The following LRRIQ3 variants were observed in gnomAD, a reference collection of about 807,000 sequenced individuals.
The protein encoded by LRRIQ3 is leucine rich repeats and IQ motif containing 3, also known as leucine-rich repeat and IQ domain-containing protein 3.
In LRRIQ3, 75 loss-of-function variants were observed where a neutral mutation model predicts 59.3. That is an observed-to-expected ratio of 1.26 (90% CI 1.05 to 1.53). LRRIQ3 has a LOEUF of 1.53. Among genes scored for constraint, LRRIQ3 ranks in the 40% most tolerant of loss-of-function variants. The pLI, the probability that LRRIQ3 is intolerant of heterozygous loss-of-function variation, is 0.00. For synonymous variants in LRRIQ3, 250 were observed against 231.3 expected (o/e 1.08, Z -0.73); for missense variants, 831 against 710.0 (o/e 1.17, Z -1.94).
intron 3 of LRRIQ3, chr1:74,181,993 T>C (rs1022522676): frequency 3.3e-5 from 5 of 151,818 alleles, no homozygotes; most frequent in Admixed American, 1.3e-4. Flanking sequence ...TGATTTGTTC[T>C]AATATTTATT....
intron 3 of LRRIQ3, among the ~76,000 whole-genome samples, chr1:74,163,847 A>G (rs964682184): frequency 2.0e-5 from 3 of 151,484 alleles, no homozygotes; most frequent in African/African-American, 2.4e-5. Flanking sequence ...TCTTTTCCAG[A>G]GTGGCTGTAC....
At chr1:74,099,533 G>C (rs927251875) in intron 5 of LRRIQ3, among the ~76,000 whole-genome samples, 1 of 152,092 alleles carries the variant, frequency 6.6e-6, no homozygotes, top group South Asian at 2.1e-4. Flanking sequence ...AGAAGAAGAG[G>C]GAATCCTCCC....
chr1:74,116,317 G>T (rs1646776472), intron 4 of LRRIQ3, among the ~76,000 whole-genome samples: 1 of 151,932 alleles, frequency 6.6e-6, no homozygotes, highest in Non-Finnish European at 1.5e-5. Context: ...GAAATATGAG[G>T]TCATGTATTA....
At chr1:74,029,388 T>C (rs1653625951) in intron 7 of LRRIQ3, among the ~76,000 whole-genome samples, 1 of 151,452 alleles carries the variant, frequency 6.6e-6, no homozygotes, top group African/African-American at 2.4e-5. Flanking sequence ...AGGTAATTTA[T>C]TGAGAGTTTT....
intron 7 of LRRIQ3, among the ~76,000 whole-genome samples, chr1:74,032,634 G>C (rs1189652128): frequency 6.6e-6 from 1 of 151,982 alleles, no homozygotes; most frequent in Non-Finnish European, 1.5e-5. Context: ...GTGATACATT[G>C]GGCGCATCTG....
chr1:74,185,236 G>A (rs1650281711), intron 1 of LRRIQ3, among the ~76,000 whole-genome samples: 1 of 152,152 alleles, frequency 6.6e-6, no homozygotes, highest in South Asian at 2.1e-4. Context: ...GTCTTCCAAT[G>A]TGGTTGTACC....
At chr1:74,061,459 C>T (rs749011923) in intron 6 of LRRIQ3, among the ~76,000 whole-genome samples, 30 of 152,008 alleles carry the variant, frequency 2.0e-4, no homozygotes, top group Non-Finnish European at 4.1e-4. Flanking sequence ...TCGTATGGAA[C>T]CAAAATACAG....
At chr1:74,075,648 G>A (rs1646198526) in intron 5 of LRRIQ3, among the ~76,000 whole-genome samples, 1 of 152,086 alleles carries the variant, frequency 6.6e-6, no homozygotes, top group Non-Finnish European at 1.5e-5. Context: ...ATGGGGAACA[G>A]AGGCATTGTC....
In LRRIQ3 at chr1:74,185,581, T is replaced by C. The variant is rs551551525; in HGVS notation, c.1-1897A>G. Among the ~76,000 whole-genome samples the C allele has an allele frequency of 3.0e-4, 46 of 152,328 alleles. 1 individual carries two copies. The highest frequency in any genetic ancestry group is 3.8e-4 in the Non-Finnish European group (26 of 68,018). Reference sequence around the variant, plus strand: ...ATATGTGTTTTCCAAAGTTTTTTTTTCCCATTCTGTGGCTTGCCTTTTCAT... The same window carrying C: ...ATATGTGTTTTCCAAAGTTTTTTTTCCCCATTCTGTGGCTTGCCTTTTCAT... On this transcript the variant is annotated intron_variant, in intron 1 of 7. Transcript: ENST00000354431.
chr1:74,038,927 G>T (rs1477586061), intron 7 of LRRIQ3, among the ~76,000 whole-genome samples: 1 of 152,164 alleles, frequency 6.6e-6, no homozygotes, highest in Non-Finnish European at 1.5e-5. Flanking sequence ...TCCTCCAAAT[G>T]ATCATAATGC....
At chr1:74,027,815 C>T (rs1357443137) in intron 7 of LRRIQ3, among the ~76,000 whole-genome samples, 1 of 151,794 alleles carries the variant, frequency 6.6e-6, no homozygotes, top group African/African-American at 2.4e-5. Flanking sequence ...CTACATGAAG[C>T]TTATCAAAAG....
At chr1:74,096,993 T>G (rs919297357) in intron 5 of LRRIQ3, among the ~76,000 whole-genome samples, 1 of 151,920 alleles carries the variant, frequency 6.6e-6, no homozygotes, top group South Asian at 2.1e-4. Flanking sequence ...TACTCGGGGG[T>G]CAGGGATCCA....
chr1:74,050,145 A>T (rs1353473956), intron 6 of LRRIQ3, among the ~76,000 whole-genome samples: 1 of 151,964 alleles, frequency 6.6e-6, no homozygotes, highest in African/African-American at 2.4e-5. Flanking sequence ...GCTGCTCTCA[A>T]ACTCCTGACC....
intron 5 of LRRIQ3, among the ~76,000 whole-genome samples, chr1:74,075,658 C>G (rs1398809446): frequency 6.6e-6 from 1 of 151,934 alleles, no homozygotes; most frequent in African/African-American, 2.4e-5. Flanking sequence ...GAGGCATTGT[C>G]AAATGTAAAC....
At position 74,026,685 on chromosome 1, in the gene LRRIQ3, G is replaced by T; in HGVS notation, c.*128C>A. ...ATTTTAACTAATCTTTATATTTTTAGAAGACTTATATATAAATCCATCTTG... is the reference window on the plus strand; with the variant it reads ...ATTTTAACTAATCTTTATATTTTTATAAGACTTATATATAAATCCATCTTG... On this transcript the variant is annotated 3_prime_UTR_variant, in exon 8 of 8. Transcript: ENST00000354431. 2 of 688,748 alleles carry T rather than the reference G, an allele frequency of 2.9e-6. No individual in the cohort carries two copies. The highest frequency in any genetic ancestry group is 2.5e-5 in the South Asian group (1 of 40,098). 42.7% of individuals were successfully genotyped at this position (688,748 alleles called of 1,614,324 possible).
At chr1:74,185,143 T>A (rs950565143) in intron 1 of LRRIQ3, among the ~76,000 whole-genome samples, 1 of 152,232 alleles carries the variant, frequency 6.6e-6, no homozygotes, top group African/African-American at 2.4e-5. Flanking sequence ...TGTGTGGATA[T>A]GTTTTCAACT....
intron 3 of LRRIQ3, among the ~76,000 whole-genome samples, chr1:74,176,153 A>G (rs996358569): frequency 1.3e-5 from 2 of 152,114 alleles, no homozygotes; most frequent in Admixed American, 6.5e-5. Flanking sequence ...GAGGTATGCT[A>G]GTAATAGATT....
At chr1:74,153,434 TG>T (rs1648110472) in intron 4 of LRRIQ3, among the ~76,000 whole-genome samples, 1 of 152,190 alleles carries the variant, frequency 6.6e-6, no homozygotes, top group Non-Finnish European at 1.5e-5. Context: ...GACCCTAGGT[TG>T]TGGGAATCTA....
chr1:74,157,323 C>G lies in LRRIQ3; in HGVS notation c.574-1457G>C, dbSNP rs1648397560. 2.6e-5 allele frequency among the ~76,000 whole-genome samples: 4 copies of G among 152,086 alleles called. No homozygotes were observed. In the South Asian group the frequency reaches 8.3e-4, roughly 32 times the overall value. ...ATACTGAGTAGAAGTGCCTTCTACT[C>G]AAACTTAAAACAAGAAGTAACTCTT... On this transcript the variant is annotated intron_variant, in intron 3 of 7. Coordinates refer to ENST00000354431, the MANE Select transcript of LRRIQ3 (RefSeq NM_001105659.2).
Sources: allele counts gnomAD v4.1 joint callset (sites outside exome capture counted in the v4.1 genomes callset), GRCh38; gene constraint gnomAD v4.1.1; transcripts MANE v1.5; gene names NCBI Gene and HGNC (gene_info 2026-07-23, HGNC 2026-07-21).